MALRD1: variants seen among roughly 807,000 people sequenced by gnomAD.
MALRD1 encodes MAM and LDL-receptor class A domain-containing protein 1.
A neutral mutation model predicts 242.1 loss-of-function variants in MALRD1; 247 were observed. The ratio of observed to expected loss-of-function variants is 1.02; its 90% CI spans 0.92 to 1.13. The LOEUF (loss-of-function observed/expected upper bound fraction) is 1.13, where lower values mean the gene tolerates loss of function less well. Ranked by LOEUF, MALRD1 falls within the 50% of genes most tolerant of loss-of-function variation. The pLI is 0.00. For missense variants in MALRD1, 2,989 were observed against 2,533.1 expected (o/e 1.18, Z -3.86); for synonymous variants, 995 against 866.6 (o/e 1.15, Z -2.60).
chr10:19,286,162 A>T (rs1347752384), intron 21 of MALRD1, among the ~76,000 whole-genome samples: 5 of 143,504 alleles, frequency 3.5e-5, no homozygotes, highest in Admixed American at 1.4e-4. Context: ...GGCTGAGACG[A>T]TGGGGTTTTC....
At chr10:19,531,695 T>C (rs1195558009) in intron 32 of MALRD1, among the ~76,000 whole-genome samples, 1 of 152,128 alleles carries the variant, frequency 6.6e-6, no homozygotes, top group African/African-American at 2.4e-5. Flanking sequence ...TGCATAATGG[T>C]GAGGAAGATA....
chr10:19,430,350 C>T (rs997661755), intron 28 of MALRD1, among the ~76,000 whole-genome samples: 11 of 151,568 alleles, frequency 7.3e-5, no homozygotes, highest in African/African-American at 1.7e-4. Flanking sequence ...GATTTGACCT[C>T]GTGATCCACC....
intron 2 of MALRD1, among the ~76,000 whole-genome samples, chr10:19,087,468 G>A (rs1484909742): frequency 1.3e-5 from 2 of 151,510 alleles, no homozygotes; most frequent in Non-Finnish European, 2.9e-5. Flanking sequence ...TTAATCTAGT[G>A]AGGATGTGGG....
intron 18 of MALRD1, among the ~76,000 whole-genome samples, chr10:19,256,578 C>T (rs1446625998): frequency 6.6e-6 from 1 of 151,880 alleles, no homozygotes; most frequent in Non-Finnish European, 1.5e-5. Flanking sequence ...CTATATTTGC[C>T]CACTAGTTCT....
At chr10:19,666,024 T>C (rs1285247739) in intron 36 of MALRD1, among the ~76,000 whole-genome samples, 1 of 152,088 alleles carries the variant, frequency 6.6e-6, no homozygotes, top group Non-Finnish European at 1.5e-5. Flanking sequence ...AGGAGGGAGA[T>C]AGGTGTCCTC....
rs1839133033 is a variant in MALRD1 at position 19,615,898 on chromosome 10, G to A, written c.6112G>A (p.Val2038Met). The change falls in exon 36 of 40, where the codon GTG (valine) becomes ATG (methionine). Residue 2038 changes from valine (V) to methionine (M), a missense_variant. Coordinates refer to ENST00000454679, the MANE Select transcript of MALRD1 (RefSeq NM_001142308.3). ...CTGCAGAAATGGTGGGACTTGTGTA[G>A]TGGAGAAAAATGGTCCTATGTGTCG... Reference protein sequence around the residue: ...NYCRNGGTCVVEKNGPMCRCR... With the variant: ...NYCRNGGTCVMEKNGPMCRCR... The A allele has an allele frequency of 2.0e-6, 3 of 1,532,018 alleles. No individual in the cohort carries two copies. The highest frequency in any genetic ancestry group is 2.6e-6 in the Non-Finnish European group (3 of 1,144,632). 94.9% of individuals were successfully genotyped at this position (1,532,018 alleles called of 1,614,324 possible).
At chr10:19,534,883 G>A (rs1027226389) in intron 32 of MALRD1, among the ~76,000 whole-genome samples, 5 of 151,674 alleles carry the variant, frequency 3.3e-5, no homozygotes, top group Non-Finnish European at 5.9e-5. Context: ...TGTTGTTGTT[G>A]TTGTTGTTGT....
At chr10:19,356,525 A>G (rs1256147819) in intron 26 of MALRD1, among the ~76,000 whole-genome samples, 1 of 152,186 alleles carries the variant, frequency 6.6e-6, no homozygotes, top group Non-Finnish European at 1.5e-5. Flanking sequence ...GCAGCTTAAC[A>G]CAAAATCAGT....
chr10:19,061,967 T>G (rs1834835684), intron 1 of MALRD1, among the ~76,000 whole-genome samples: 1 of 152,086 alleles, frequency 6.6e-6, no homozygotes, highest in African/African-American at 2.4e-5. Flanking sequence ...AAGGACAGTA[T>G]CAACAGAGTG....
intron 36 of MALRD1, among the ~76,000 whole-genome samples, chr10:19,679,673 G>A (rs1255302309): frequency 6.6e-6 from 1 of 151,612 alleles, no homozygotes; most frequent in African/African-American, 2.4e-5. Flanking sequence ...CTTGATCTTG[G>A]TTATTTCTTG....
chr10:19,070,551 G>A (rs1835112724), intron 2 of MALRD1, among the ~76,000 whole-genome samples: 1 of 151,966 alleles, frequency 6.6e-6, no homozygotes, highest in Non-Finnish European at 1.5e-5. Context: ...GTTTAAAAAA[G>A]TTCTCTGTTA....
chr10:19,377,332 A>G (rs909546660), intron 26 of MALRD1, among the ~76,000 whole-genome samples: 3 of 152,144 alleles, frequency 2.0e-5, no homozygotes, highest in African/African-American at 7.2e-5. Flanking sequence ...ATAACATTTT[A>G]TTACTAAAGA....
intron 28 of MALRD1, among the ~76,000 whole-genome samples, chr10:19,449,937 C>T (rs145809786): frequency 2.0e-3 from 300 of 152,284 alleles, no homozygotes; most frequent in African/African-American, 6.7e-3. Context: ...CTGGAAAGCT[C>T]TAACTGGTGC....
intron 28 of MALRD1, among the ~76,000 whole-genome samples, chr10:19,427,432 A>C (rs1589056751): frequency 6.6e-6 from 1 of 152,238 alleles, no homozygotes; most frequent in Non-Finnish European, 1.5e-5. Context: ...ATAATAGATT[A>C]TAGAGTGAGT....
At chr10:19,545,996 T>C (rs1835191322) in intron 32 of MALRD1, among the ~76,000 whole-genome samples, 2 of 152,220 alleles carry the variant, frequency 1.3e-5, no homozygotes, top group African/African-American at 4.8e-5. Flanking sequence ...TAGGTATGAC[T>C]GACACCCAAA....
intron 34 of MALRD1, among the ~76,000 whole-genome samples, chr10:19,599,007 G>C (rs1370047200): frequency 2.0e-5 from 3 of 152,022 alleles, no homozygotes; most frequent in African/African-American, 7.3e-5. Flanking sequence ...AGTGGTTTTT[G>C]GGATTTTGGA....
chr10:19,324,881 T>C (rs564380384), intron 22 of MALRD1, among the ~76,000 whole-genome samples: 31 of 151,846 alleles, frequency 2.0e-4, no homozygotes, highest in Non-Finnish European at 4.0e-4. Context: ...TAGTGATCCT[T>C]ATAAGCCCCA....
intron 26 of MALRD1, among the ~76,000 whole-genome samples, chr10:19,364,077 G>A (rs1237871997): frequency 6.6e-6 from 1 of 152,036 alleles, no homozygotes; most frequent in Non-Finnish European, 1.5e-5. Flanking sequence ...ATATCAGCAT[G>A]GGAGGAGGAA....
chr10:19,698,780 A>G (rs1304382912), intron 38 of MALRD1, among the ~76,000 whole-genome samples: 1 of 152,164 alleles, frequency 6.6e-6, no homozygotes, highest in East Asian at 1.9e-4. Context: ...TTTTTGGCTT[A>G]ATGTTTTGAA....
Sources: allele counts gnomAD v4.1 joint callset (sites outside exome capture counted in the v4.1 genomes callset), GRCh38; gene constraint gnomAD v4.1.1; transcripts MANE v1.5; gene names NCBI Gene and HGNC (gene_info 2026-07-23, HGNC 2026-07-21).